Variants in ANTXR1 observed in about 807,000 individuals in gnomAD.
ANTXR1 encodes anthrax toxin receptor 1.
In ANTXR1, 19 loss-of-function variants were observed where a neutral mutation model predicts 78.1. The observed-to-expected ratio is 0.24, with a 90% CI of 0.17 to 0.36. The LOEUF (loss-of-function observed/expected upper bound fraction) is 0.36, where lower values mean the gene tolerates loss of function less well. ANTXR1 is among the 10% of genes least tolerant of loss of function. The pLI is 1.00. For missense variants in ANTXR1, 518 were observed against 718.6 expected (o/e 0.72, Z 3.19); for synonymous variants, 273 against 260.5 (o/e 1.05, Z -0.46).
Position 69,133,057 on chromosome 2 carries a change from C to A in ANTXR1, c.951+8414C>A, listed in dbSNP as rs563236284. ...CATGGCACGCTCTGAGGAGTGTCCA[C>A]TTCATGGGCCTGGTGAGTTACTTCC... On this transcript the variant is annotated intron_variant, in intron 12 of 17. Transcript: ENST00000303714. Among the ~76,000 whole-genome samples, 19 of 152,286 alleles carry A rather than the reference C, an allele frequency of 1.2e-4. No individual in the cohort carries two copies. In the South Asian group the frequency reaches 2.5e-3, roughly 20 times the overall value.
intron 14 of ANTXR1, chr2:69,172,224 C>A: frequency 1.5e-6 from 1 of 671,198 alleles, no homozygotes. Flanking sequence ...AAGAAACTAC[C>A]CAAACTGGAG....
At chr2:69,184,008 A>C (rs1184398793) in intron 16 of ANTXR1, among the ~76,000 whole-genome samples, 8 of 152,034 alleles carry the variant, frequency 5.3e-5, no homozygotes, top group Non-Finnish European at 7.4e-5. Flanking sequence ...CCAAAGCCTC[A>C]AGTCAAAGAC....
At chr2:69,196,920 G>A (rs1674678570) in intron 17 of ANTXR1, among the ~76,000 whole-genome samples, 1 of 152,092 alleles carries the variant, frequency 6.6e-6, no homozygotes, top group Non-Finnish European at 1.5e-5. Flanking sequence ...CCCACCAACA[G>A]AGCCTCTGAG....
chr2:69,048,871 A>C (rs1040709286), intron 3 of ANTXR1, among the ~76,000 whole-genome samples: 1 of 152,186 alleles, frequency 6.6e-6, no homozygotes, highest in Non-Finnish European at 1.5e-5. Flanking sequence ...TTTCACTCGA[A>C]CTGTGTGAAA....
rs920750762 is a variant in ANTXR1 at position 69,213,853 on chromosome 2, G to T, written c.1434+20438G>T. Among the ~76,000 whole-genome samples, 4 of 152,252 alleles carry T rather than the reference G, an allele frequency of 2.6e-5. No homozygotes were observed. The South Asian group carries it at 8.3e-4, about 31-fold the overall frequency. Reference sequence around the variant, plus strand: ...GCCTGGGTTCCAGTCAACATTCCCTGTGACTTTTACAAGTCGCAAGTGGAT... The same window carrying T: ...GCCTGGGTTCCAGTCAACATTCCCTTTGACTTTTACAAGTCGCAAGTGGAT... On this transcript the variant is annotated intron_variant, in intron 17 of 17. Transcript: ENST00000303714.
rs367559074 is a variant in ANTXR1, at chr2:69,145,388, G to A, written c.952-6781G>A. ...CTTGCATGGAATAGCAGAGAATACCGCCTGCTCCCTCCGGACAGCACACTC... is the reference window on the plus strand; with the variant it reads ...CTTGCATGGAATAGCAGAGAATACCACCTGCTCCCTCCGGACAGCACACTC... On this transcript the variant is annotated intron_variant, in intron 12 of 17. Transcript: ENST00000303714. The A allele has an allele frequency of 1.9e-4, 306 of 1,591,920 alleles. No homozygotes were observed. The Middle Eastern group carries it at 4.0e-3, about 21-fold the overall frequency.
intron 14 of ANTXR1, among the ~76,000 whole-genome samples, chr2:69,180,812 T>C (rs1382064828): frequency 6.6e-6 from 1 of 152,078 alleles, no homozygotes; most frequent in African/African-American, 2.4e-5. Flanking sequence ...ATAAAACAGA[T>C]TGATGGAATG....
intron 17 of ANTXR1, among the ~76,000 whole-genome samples, chr2:69,196,519 CA>C (rs911602003): frequency 3.3e-5 from 5 of 151,966 alleles, no homozygotes; most frequent in East Asian, 1.9e-4. Flanking sequence ...CCAGGCGAGG[CA>C]GGGGGGGCAA....
intron 17 of ANTXR1, among the ~76,000 whole-genome samples, chr2:69,217,628 G>A (rs1485298085): frequency 6.6e-6 from 1 of 152,190 alleles, no homozygotes; most frequent in Non-Finnish European, 1.5e-5. Context: ...TGCATGAAAT[G>A]CTCAGCACAG....
intron 9 of ANTXR1, among the ~76,000 whole-genome samples, chr2:69,091,149 C>T (rs1259595855): frequency 6.6e-6 from 1 of 150,960 alleles, no homozygotes; most frequent in African/African-American, 2.4e-5. Flanking sequence ...TGTCCAAATT[C>T]TCTTCTTTCA....
At chr2:69,137,157 C>T (rs1031462016) in intron 12 of ANTXR1, among the ~76,000 whole-genome samples, 3 of 152,134 alleles carry the variant, frequency 2.0e-5, no homozygotes, top group Admixed American at 6.6e-5. Flanking sequence ...AGCTGTTTGT[C>T]CCTACAGCAG....
chr2:69,135,312 A>G (rs927291011), intron 12 of ANTXR1: 6 of 161,514 alleles, frequency 3.7e-5, no homozygotes, highest in African/African-American at 1.2e-4. Context: ...GAAAAAAAAT[A>G]TTTTTCTGAA....
intron 12 of ANTXR1, among the ~76,000 whole-genome samples, chr2:69,144,211 G>GA (rs1673153570): frequency 6.6e-6 from 1 of 152,208 alleles, no homozygotes; most frequent in South Asian, 2.1e-4. Flanking sequence ...CTCACAGAGG[G>GA]ACAGCGGCAG....
intron 16 of ANTXR1, among the ~76,000 whole-genome samples, chr2:69,192,284 T>C (rs891504152): frequency 1.3e-5 from 2 of 152,166 alleles, no homozygotes; most frequent in Non-Finnish European, 2.9e-5. Context: ...AAAATCAAGG[T>C]GTTGGCAGAG....
intron 12 of ANTXR1, chr2:69,135,051 C>A (rs1487144149): frequency 1.7e-5 from 7 of 419,602 alleles, no homozygotes; most frequent in East Asian, 1.4e-4. Flanking sequence ...ACAGGAATAT[C>A]AGAGTGCGGA....
intron 12 of ANTXR1, among the ~76,000 whole-genome samples, chr2:69,126,397 C>A (rs1341288307): frequency 6.6e-6 from 1 of 152,122 alleles, no homozygotes; most frequent in South Asian, 2.1e-4. Flanking sequence ...TAGGACACCA[C>A]CAAATTTTAA....
intron 14 of ANTXR1, chr2:69,172,606 T>A: frequency 8.8e-7 from 1 of 1,138,678 alleles, no homozygotes; most frequent in South Asian, 3.1e-5. Flanking sequence ...TTATCCCAAC[T>A]TTCATCAGCT....
chr2:69,230,921 C>T (rs1296427391), intron 17 of ANTXR1, among the ~76,000 whole-genome samples: 1 of 152,148 alleles, frequency 6.6e-6, no homozygotes, highest in Non-Finnish European at 1.5e-5. Flanking sequence ...AAGCCCAGTA[C>T]CCAATAGTTA....
intron 16 of ANTXR1, 52 bp downstream of exon 16, chr2:69,182,712 A>G (rs1674308462): frequency 6.2e-7 from 1 of 1,609,204 alleles, no homozygotes. Context: ...AAACACTTAC[A>G]TAGTGAAGAA....
Sources: allele counts gnomAD v4.1 joint callset (sites outside exome capture counted in the v4.1 genomes callset), GRCh38; gene constraint gnomAD v4.1.1; transcripts MANE v1.5; gene names NCBI Gene and HGNC (gene_info 2026-07-23, HGNC 2026-07-21).